The following DNAAF9 variants were observed in gnomAD, a reference collection of about 807,000 sequenced individuals.
DNAAF9 encodes the protein dynein axonemal assembly factor 9.
In DNAAF9, 90 loss-of-function variants were observed where a neutral mutation model predicts 167.0. The ratio of observed to expected loss-of-function variants is 0.54; its 90% CI spans 0.45 to 0.64. The LOEUF (loss-of-function observed/expected upper bound fraction) is 0.64. DNAAF9 is among the 30% of genes least tolerant of loss of function. The pLI is 0.00. For missense variants in DNAAF9, 1,315 were observed against 1,442.2 expected (o/e 0.91, Z 1.43); for synonymous variants, 491 against 508.8 (o/e 0.96, Z 0.47).
intron 8 of DNAAF9, among the ~76,000 whole-genome samples, chr20:3,347,822 T>C (rs1020598758): frequency 6.6e-6 from 1 of 151,996 alleles, no homozygotes; most frequent in African/African-American, 2.4e-5. Flanking sequence ...CTTGGGAGGC[T>C]GAGGCAGGAG....
Position 3,252,592 on chromosome 20 carries a change from G to A in DNAAF9, c.3514C>T (p.Leu1172Phe). 6.2e-7 allele frequency: 1 copy of A among 1,603,898 alleles called. No homozygotes were observed. The highest frequency in any genetic ancestry group is 8.5e-7 in the Non-Finnish European group (1 of 1,170,682). Residue 1172 changes from leucine (L) to phenylalanine (F), a missense_variant, in exon 37 of 37, where the codon CTC (leucine) becomes TTC (phenylalanine). Leu to Phe is a conservative substitution (Grantham distance 22, BLOSUM62 0). This residue lies in a region of DNAAF9 where 334 missense variants were observed against 429.7 expected (regional missense o/e 0.78). Transcript: ENST00000252032. ...TTCCTCTAGGGCTTCAGCTCAAAGA[G>A]GTCATGATACTCCTGCTGTTCCAGC... is the stretch of plus-strand genomic sequence containing the variant. ...QELEQQEYHD[L>F]FELKP
intron 26 of DNAAF9, among the ~76,000 whole-genome samples, chr20:3,289,686 A>AT (rs1210851241): frequency 6.6e-6 from 1 of 151,796 alleles, no homozygotes; most frequent in African/African-American, 2.4e-5. Flanking sequence ...CGTTCGGCTA[A>AT]TTTTTGTATT....
chr20:3,350,358 T>C (rs1026801939), intron 7 of DNAAF9, among the ~76,000 whole-genome samples: 1 of 152,098 alleles, frequency 6.6e-6, no homozygotes, highest in African/African-American at 2.4e-5. Flanking sequence ...ACAGTGCTGA[T>C]AGTGTTTTCT....
chr20:3,322,178 GC>G (rs2069627255), intron 16 of DNAAF9, 38 bp downstream of exon 16: 4 of 1,529,270 alleles, frequency 2.6e-6, no homozygotes, highest in Non-Finnish European at 3.6e-6. Flanking sequence ...CCCTCTACAG[GC>G]CATTCCCAGC....
At chr20:3,391,455 T>C (rs768108852) in intron 1 of DNAAF9, among the ~76,000 whole-genome samples, 1 of 152,160 alleles carries the variant, frequency 6.6e-6, no homozygotes, top group Admixed American at 6.5e-5. Flanking sequence ...ATGTTGAATA[T>C]TTACTGTCTA....
intron 10 of DNAAF9, among the ~76,000 whole-genome samples, chr20:3,337,339 C>T (rs1315981534): frequency 2.6e-5 from 4 of 151,360 alleles, no homozygotes; most frequent in East Asian, 3.9e-4. Context: ...TCTTGGCTCA[C>T]TGCAACCTCC....
chr20:3,279,402 TAACTC>T (rs1281948372), intron 28 of DNAAF9, among the ~76,000 whole-genome samples: 1 of 152,256 alleles, frequency 6.6e-6, no homozygotes, highest in Non-Finnish European at 1.5e-5. Context: ...ATCTCATTCT[TAACTC>T]AAAAGGTGAA....
At chr20:3,404,882 C>A (rs1434941328) in intron 1 of DNAAF9, among the ~76,000 whole-genome samples, 1 of 152,162 alleles carries the variant, frequency 6.6e-6, no homozygotes, top group East Asian at 1.9e-4. Flanking sequence ...GTAATAAGTC[C>A]AAAATCCCGG....
chr20:3,257,475 A>G (rs1374474307), intron 33 of DNAAF9, among the ~76,000 whole-genome samples: 1 of 152,130 alleles, frequency 6.6e-6, no homozygotes, highest in Non-Finnish European at 1.5e-5. Context: ...TCAAACCACT[A>G]TACTCTGGAT....
Position 3,366,609 on chromosome 20 carries a change from G to A in DNAAF9, c.613-7016C>T, listed in dbSNP as rs114453079. ...GAGTCAGGCTGTCCTTTGAAACTAG[G>A]CACTGACTTCTCTCTATTTATGAAA... is the stretch of plus-strand genomic sequence containing the variant. On this transcript the variant is annotated intron_variant, in intron 6 of 36. Coordinates refer to ENST00000252032, the MANE Select transcript of DNAAF9 (RefSeq NM_001009984.3). Among the ~76,000 whole-genome samples, 1,371 of 152,224 alleles carry A rather than the reference G, an allele frequency of 9.0e-3. 19 individuals carry two copies. Among genetic ancestry groups the A allele is most frequent in the African/African-American group, 0.032 (1,316 of 41,538 alleles).
At chr20:3,298,907 CTT>C (rs397865293) in intron 21 of DNAAF9, among the ~76,000 whole-genome samples, 12 of 119,536 alleles carry the variant, frequency 1.0e-4, no homozygotes, top group Non-Finnish European at 1.0e-4. Context: ...TGTTTTAGCT[CTT>C]TTTTTTTTTT....
At chr20:3,262,965 CTTTTTTTTT>C (rs796491974) in intron 31 of DNAAF9, among the ~76,000 whole-genome samples, 3 of 81,320 alleles carry the variant, frequency 3.7e-5, no homozygotes, top group Non-Finnish European at 4.8e-5. Flanking sequence ...CATAGCAGAT[CTTTTTTTTT>C]TTTTTTTTTT....
intron 1 of DNAAF9, among the ~76,000 whole-genome samples, chr20:3,391,147 C>T (rs554545492): frequency 6.6e-6 from 1 of 152,300 alleles, no homozygotes; most frequent in South Asian, 2.1e-4. Context: ...CAGAGATAAA[C>T]ACTGTCCTAA....
chr20:3,277,579 C>T (rs1164769434), intron 29 of DNAAF9, among the ~76,000 whole-genome samples: 1 of 151,992 alleles, frequency 6.6e-6, no homozygotes, highest in Admixed American at 6.6e-5. Flanking sequence ...ATCTCCTAAG[C>T]TAGAAACCTA....
At chr20:3,375,247 A>G in intron 4 of DNAAF9, 121 bp from the exon 5 acceptor site, 1 of 653,938 alleles carries the variant, frequency 1.5e-6, no homozygotes, top group Non-Finnish European at 2.7e-6. Flanking sequence ...ACTGCACCCA[A>G]GGAGGTGTTT....
At chr20:3,279,146 C>T (rs1275677736) in intron 28 of DNAAF9, among the ~76,000 whole-genome samples, 197 bp from the exon 29 acceptor site, 1 of 152,148 alleles carries the variant, frequency 6.6e-6, no homozygotes, top group Non-Finnish European at 1.5e-5. Flanking sequence ...AGGAGCCCCA[C>T]AGAAGTCCCT....
Position 3,250,612 on chromosome 20 carries a change from A to C in DNAAF9, c.*1960T>G, listed in dbSNP as rs910768. ...AGAGAGCATTTCTGTGAAGAGAAAC[A>C]AAGACCACCACGTAGTACAGCCCCA... On this transcript the variant is annotated 3_prime_UTR_variant, in exon 37 of 37. Coordinates refer to ENST00000252032, the MANE Select transcript of DNAAF9 (RefSeq NM_001009984.3). 146,487 of 152,326 alleles carry C rather than the reference A, an allele frequency of 0.96. 70,475 individuals are homozygous for C. Among genetic ancestry groups the C allele is most frequent in the East Asian group, 1 (5,174 of 5,174 alleles). The allele number at this position is 152,326 out of a possible 1,614,324, so 9.4% of individuals were successfully genotyped here. A position where few individuals can be genotyped will look rare whatever the true frequency, so the allele number is the denominator to read the frequency against.
intron 17 of DNAAF9, among the ~76,000 whole-genome samples, chr20:3,317,061 A>G (rs1010032631): frequency 9.9e-5 from 15 of 151,772 alleles, no homozygotes; most frequent in African/African-American, 3.4e-4. Flanking sequence ...TGCCGGGCTA[A>G]TTTTTGTATT....
intron 6 of DNAAF9, chr20:3,362,199 G>A (rs1275782697): frequency 9.7e-6 from 14 of 1,436,352 alleles, no homozygotes; most frequent in South Asian, 2.3e-5. Flanking sequence ...TAAGTGTCAT[G>A]TCTTCGTAAT....
Sources: allele counts gnomAD v4.1 joint callset (sites outside exome capture counted in the v4.1 genomes callset), GRCh38; gene constraint gnomAD v4.1.1; regional missense constraint gnomAD v4.1.1; transcripts MANE v1.5; gene names NCBI Gene and HGNC (gene_info 2026-07-23, HGNC 2026-07-21).